Variants in INPP5A observed in about 807,000 individuals in gnomAD.
INPP5A encodes inositol polyphosphate-5-phosphatase A, also known as 43 kDa inositol polyphosphate 5-phophatase.
In INPP5A, 14 loss-of-function variants were observed where a neutral mutation model predicts 65.2. That is an observed-to-expected ratio of 0.21 (90% confidence interval 0.14 to 0.34). The LOEUF (loss-of-function observed/expected upper bound fraction) is 0.34. Ranked by LOEUF, INPP5A falls within the 10% of genes least tolerant of loss-of-function variation. The pLI, the probability that INPP5A is intolerant of heterozygous loss-of-function variation, is 1.00. For synonymous variants in INPP5A, 207 were observed against 208.3 expected (o/e 0.99, Z 0.05); for missense variants, 431 against 545.6 (o/e 0.79, Z 2.09).
chr10:132,713,165 G>A (rs569098931), intron 8 of INPP5A, among the ~76,000 whole-genome samples: 6 of 151,696 alleles, frequency 4.0e-5, no homozygotes, highest in African/African-American at 1.5e-4. Context: ...TGTGTGTGCG[G>A]GTGTGTGTGC....
At chr10:132,769,813 G>C (rs1846918469) in intron 12 of INPP5A, among the ~76,000 whole-genome samples, 1 of 138,256 alleles carries the variant, frequency 7.2e-6, no homozygotes, top group African/African-American at 2.8e-5. Flanking sequence ...CCCCCCCCAA[G>C]TTCCTGATAC....
In INPP5A at chr10:132,696,652, C is replaced by G. The variant is rs149038669; in HGVS notation, c.371-1164C>G. Among the ~76,000 whole-genome samples, 10 of 152,318 alleles carry G rather than the reference C, an allele frequency of 6.6e-5. No homozygotes were observed. In the East Asian group the frequency reaches 1.5e-3, roughly 23 times the overall value. Reference sequence around the variant, plus strand: ...GAGACAGTGAAAGGATCCGTGGTGTCTAAGCTCCGAGTTTAGGGAATGGCC... The same window carrying G: ...GAGACAGTGAAAGGATCCGTGGTGTGTAAGCTCCGAGTTTAGGGAATGGCC... On this transcript the variant is annotated intron_variant, in intron 5 of 15. Coordinates refer to ENST00000368594, the MANE Select transcript of INPP5A (RefSeq NM_005539.5).
At chr10:132,584,525 C>T (rs2071524135) in intron 1 of INPP5A, among the ~76,000 whole-genome samples, 1 of 152,112 alleles carries the variant, frequency 6.6e-6, no homozygotes. Context: ...AATGATCAGT[C>T]TACTTCATGT....
intron 2 of INPP5A, among the ~76,000 whole-genome samples, chr10:132,613,090 C>G (rs1165441049): frequency 6.6e-6 from 1 of 152,192 alleles, no homozygotes; most frequent in African/African-American, 2.4e-5. Flanking sequence ...ACGTACATGT[C>G]CCATTTCTTT....
At chr10:132,781,319 C>T (rs1026905289) in intron 14 of INPP5A, among the ~76,000 whole-genome samples, 5 of 152,310 alleles carry the variant, frequency 3.3e-5, no homozygotes, top group South Asian at 2.1e-4. Context: ...GGGGTGAGGG[C>T]GCTCCCCACC....
At chr10:132,714,707 G>A (rs1451058079) in intron 8 of INPP5A, among the ~76,000 whole-genome samples, 1 of 152,212 alleles carries the variant, frequency 6.6e-6, no homozygotes, top group Non-Finnish European at 1.5e-5. Flanking sequence ...ACGCATTCCA[G>A]AGTAGGAAGA....
intron 1 of INPP5A, among the ~76,000 whole-genome samples, chr10:132,588,961 G>A (rs571659766): frequency 1.3e-5 from 2 of 151,926 alleles, no homozygotes; most frequent in East Asian, 3.9e-4. Context: ...GTTTCTTGGA[G>A]TGTGGGTTGT....
At position 132,627,021 on chromosome 10, in the gene INPP5A, G is replaced by T. The variant is rs774118125; in HGVS notation, c.118-18847G>T. Among the ~76,000 whole-genome samples the T allele has an allele frequency of 3.3e-5, 5 of 152,114 alleles. No homozygotes were observed. The highest frequency in any genetic ancestry group is 7.4e-5 in the Non-Finnish European group (5 of 68,012). On this transcript the variant is annotated intron_variant, in intron 2 of 15. Transcript: ENST00000368594. This position sits in a 1 kb window ranked among gnomAD's most constrained non-coding sequence, Gnocchi z 6.6. ...TTGAGGGGGGTGGGCCCTTTGGGAGGTGATGGGGTGAGATGAGGTTATGCG... is the reference window on the plus strand; with the variant it reads ...TTGAGGGGGGTGGGCCCTTTGGGAGTTGATGGGGTGAGATGAGGTTATGCG...
chr10:132,595,842 T>A (rs942383572), intron 1 of INPP5A, among the ~76,000 whole-genome samples: 2 of 152,232 alleles, frequency 1.3e-5, no homozygotes, highest in African/African-American at 4.8e-5. Flanking sequence ...TTAGAATTAC[T>A]TTTTTAAGGA....
chr10:132,721,872 C>T (rs1455767978), intron 8 of INPP5A, among the ~76,000 whole-genome samples: 1 of 152,178 alleles, frequency 6.6e-6, no homozygotes, highest in Non-Finnish European at 1.5e-5. Context: ...GAGATTCACC[C>T]TGAGGGCTTG....
chr10:132,592,648 C>T (rs1207979916), intron 1 of INPP5A, among the ~76,000 whole-genome samples: 1 of 152,220 alleles, frequency 6.6e-6, no homozygotes, highest in Non-Finnish European at 1.5e-5. Context: ...CTCAGGTGAT[C>T]CGCCCGCCTT....
chr10:132,604,412 C>T (rs76253821), intron 1 of INPP5A, among the ~76,000 whole-genome samples: 192 of 152,298 alleles, frequency 1.3e-3, no homozygotes, highest in Non-Finnish European at 2.4e-3. Context: ...CCTCCTTTCC[C>T]GTGACTGCTA....
At chr10:132,722,798 A>ATG (rs1415867123) in intron 8 of INPP5A, among the ~76,000 whole-genome samples, 1 of 152,218 alleles carries the variant, frequency 6.6e-6, no homozygotes, top group Admixed American at 6.5e-5. Flanking sequence ...ATTGATTTTT[A>ATG]TGGCTCTTCT....
rs530648699 is a variant in INPP5A at position 132,575,655 on chromosome 10, G to A, written c.76-32260G>A. On this transcript the variant is annotated intron_variant, in intron 1 of 15. Transcript: ENST00000368594. This position sits in a 1 kb window ranked among gnomAD's most constrained non-coding sequence, Gnocchi z 5.4. ...ATCCGTAAACAGTGTTTATCTTGGC[G>A]AGGAGGAATCCTGCACCAGCTTAGA... Among the ~76,000 whole-genome samples, 14 of 152,236 alleles carry A rather than the reference G, an allele frequency of 9.2e-5. No individual in the cohort carries two copies. In the South Asian group the frequency reaches 1.7e-3, roughly 18 times the overall value.
rs1440202875 is a variant in INPP5A at position 132,780,829 on chromosome 10, T to C, written c.1090-20T>C. 2 of 1,611,484 alleles carry C rather than the reference T, an allele frequency of 1.2e-6. No homozygotes were observed. Among genetic ancestry groups the C allele is most frequent in the South Asian group, 1.1e-5 (1 of 91,058 alleles). ...GGTGCCCCACCTCCCCACACTCACCTGTCTGTTTCCCCTTTCCAGTCGGAG... is the reference window on the plus strand; with the variant it reads ...GGTGCCCCACCTCCCCACACTCACCCGTCTGTTTCCCCTTTCCAGTCGGAG... On this transcript the variant is annotated intron_variant, in intron 13 of 15. Coordinates refer to ENST00000368594, the MANE Select transcript of INPP5A (RefSeq NM_005539.5).
Position 132,678,183 on chromosome 10 carries a change from C to T in INPP5A, c.307-12209C>T, listed in dbSNP as rs1004415827. 6.6e-6 allele frequency among the ~76,000 whole-genome samples: 1 copy of T among 152,098 alleles called. No homozygotes were observed. The highest frequency in any genetic ancestry group is 1.5e-5 in the Non-Finnish European group (1 of 68,020). On this transcript the variant is annotated intron_variant, in intron 4 of 15. Transcript: ENST00000368594. This position sits in a 1 kb window ranked among gnomAD's most constrained non-coding sequence, Gnocchi z 4.1. ...GTCACGGAGCTCCTCTGAGAGCGGA[C>T]GGTCACAGCCCCCCGTATGCTGCCT...
rs1163698042 is a variant in INPP5A at position 132,549,097 on chromosome 10, C to T, written c.75+10926C>T. On this transcript the variant is annotated intron_variant, in intron 1 of 15. Coordinates refer to ENST00000368594, the MANE Select transcript of INPP5A (RefSeq NM_005539.5). This position sits in a 1 kb window ranked among gnomAD's most constrained non-coding sequence, Gnocchi z 4.9. ...TGTGAGCCACTGCGCCTGGGCTTGT[C>T]TTCCCTGTTTCATGGCTGAGCAGTG... Among the ~76,000 whole-genome samples, 1 of 152,156 alleles carries T rather than the reference C, an allele frequency of 6.6e-6. No homozygotes were observed. Among genetic ancestry groups the T allele is most frequent in the Non-Finnish European group, 1.5e-5 (1 of 68,030 alleles).
intron 1 of INPP5A, among the ~76,000 whole-genome samples, chr10:132,560,233 C>T (rs1056335053): frequency 6.6e-6 from 1 of 151,982 alleles, no homozygotes; most frequent in African/African-American, 2.4e-5. Flanking sequence ...GGGTGTAGAC[C>T]TGCTTGTGGA....
chr10:132,642,352 G>A (rs2072436937), intron 2 of INPP5A, among the ~76,000 whole-genome samples: 1 of 152,194 alleles, frequency 6.6e-6, no homozygotes, highest in Admixed American at 6.5e-5. Context: ...TTCTCCACGC[G>A]GTTCGCCGGC....
Sources: allele counts gnomAD v4.1 joint callset (sites outside exome capture counted in the v4.1 genomes callset), GRCh38; gene constraint gnomAD v4.1.1; non-coding constraint Gnocchi (gnomAD v3.1); transcripts MANE v1.5; gene names NCBI Gene and HGNC (gene_info 2026-07-23, HGNC 2026-07-21).